The following LIN28A variants were observed in gnomAD, a reference collection of about 807,000 sequenced individuals.
LIN28A encodes lin-28 RNA binding posttranscriptional regulator A, also known as protein lin-28 homolog A.
A neutral mutation model predicts 21.1 loss-of-function variants in LIN28A; 11 were observed. The observed-to-expected ratio is 0.52, with a 90% CI of 0.33 to 0.86. LIN28A has a LOEUF of 0.86. Among genes scored for constraint, LIN28A ranks in the 40% least tolerant of loss-of-function variants. The pLI is 0.03. For synonymous variants in LIN28A, 111 were observed against 108.7 expected (o/e 1.02, Z -0.13); for missense variants, 219 against 279.8 (o/e 0.78, Z 1.55).
At chr1:26,415,633 GAA>G (rs2074988398) in intron 2 of LIN28A, among the ~76,000 whole-genome samples, 1 of 152,154 alleles carries the variant, frequency 6.6e-6, no homozygotes, top group African/African-American at 2.4e-5. Flanking sequence ...TTTGTTCAGA[GAA>G]AAAGACTAGA....
At chr1:26,412,676 G>A (rs2074968096) in intron 2 of LIN28A, among the ~76,000 whole-genome samples, 1 of 152,116 alleles carries the variant, frequency 6.6e-6, no homozygotes, top group Non-Finnish European at 1.5e-5. Flanking sequence ...GCTTTAGGAG[G>A]TGTGGGGGAG....
At chr1:26,423,704 G>A (rs1240540536) in intron 2 of LIN28A, among the ~76,000 whole-genome samples, 7 of 149,884 alleles carry the variant, frequency 4.7e-5, no homozygotes, top group Admixed American at 2.7e-4. Context: ...GAGCCATTGC[G>A]CACGGCCCAT....
At position 26,421,336 on chromosome 1, in the gene LIN28A, T is replaced by C. The variant is rs1570315203; in HGVS notation, c.229-3967T>C. On this transcript the variant is annotated intron_variant, in intron 2 of 3. Coordinates refer to ENST00000326279, the MANE Select transcript of LIN28A (RefSeq NM_024674.6). ...AATGGCTGCGTGGTATTCATTATTA[T>C]AGATGTACCATATTTATTCAACCAT... 3.3e-5 allele frequency among the ~76,000 whole-genome samples: 5 copies of C among 152,334 alleles called. No homozygotes were observed. In the South Asian group the frequency reaches 1.0e-3, roughly 32 times the overall value.
chr1:26,425,551 C>T (rs2075053749), intron 3 of LIN28A, 64 bp downstream of exon 3: 3 of 1,469,226 alleles, frequency 2.0e-6, no homozygotes, highest in Admixed American at 3.8e-5. Context: ...AATCCTGTCA[C>T]TTTTTGGGTC....
chr1:26,411,952 C>G lies in LIN28A; in HGVS notation c.228+370C>G, dbSNP rs1342374325. ...GCCGGCCAGGGAAGCACATGCCGGG[C>G]CTAAGCCGGGAGCCCAGCTCCTCCA... On this transcript the variant is annotated intron_variant, in intron 2 of 3. Coordinates refer to ENST00000326279, the MANE Select transcript of LIN28A (RefSeq NM_024674.6). This position sits in a 1 kb window ranked among gnomAD's most constrained non-coding sequence, Gnocchi z 5.4. 6.6e-6 allele frequency among the ~76,000 whole-genome samples: 1 copy of G among 152,208 alleles called. No homozygotes were observed. Among genetic ancestry groups the G allele is most frequent in the Non-Finnish European group, 1.5e-5 (1 of 68,036 alleles).
intron 2 of LIN28A, among the ~76,000 whole-genome samples, chr1:26,422,203 T>G (rs554863525): frequency 6.6e-6 from 1 of 151,974 alleles, no homozygotes; most frequent in African/African-American, 2.4e-5. Context: ...AGAGATGGGT[T>G]TTTGCCATAT....
chr1:26,417,590 C>A (rs1249894284), intron 2 of LIN28A, among the ~76,000 whole-genome samples: 1 of 152,204 alleles, frequency 6.6e-6, no homozygotes, highest in South Asian at 2.1e-4. Flanking sequence ...CAGCTCTTGC[C>A]TCTTATTGCG....
chr1:26,423,626 G>A (rs1042383084), intron 2 of LIN28A, among the ~76,000 whole-genome samples: 3 of 150,818 alleles, frequency 2.0e-5, no homozygotes, highest in Non-Finnish European at 4.4e-5. Context: ...TGGTCAGGCT[G>A]GTCTCAAACT....
Position 26,411,047 on chromosome 1 carries a change from T to A in LIN28A, c.31+125T>A. 8.1e-7 allele frequency: 1 copy of A among 1,238,360 alleles called. No homozygotes were observed. Among genetic ancestry groups the A allele is most frequent in the Non-Finnish European group, 1.1e-6 (1 of 902,378 alleles). 76.7% of individuals were successfully genotyped at this position (1,238,360 alleles called of 1,614,324 possible). A position where few individuals can be genotyped will look rare whatever the true frequency, so the allele number is the denominator to read the frequency against. ...ACCCCAAGACGGTGCGGCCTTCTGC[T>A]TCATAGGGCCGTCTCTGGGGCCAGG... On this transcript the variant is annotated intron_variant, in intron 1 of 3. Transcript: ENST00000326279. This position sits in a 1 kb window ranked among gnomAD's most constrained non-coding sequence, Gnocchi z 5.4.
rs2124278973 is a variant in LIN28A, at chr1:26,411,119, G to A, written c.31+197G>A. On this transcript the variant is annotated intron_variant, in intron 1 of 3. Transcript: ENST00000326279. The surrounding 1 kb of genome is among the most constrained non-coding windows in gnomAD (Gnocchi z 5.4). ...TGCGCGCCAGACTACGTGGGTGGATGGAGAGGAGAGGCTTGTCCCGCCGTG... is the reference window on the plus strand; with the variant it reads ...TGCGCGCCAGACTACGTGGGTGGATAGAGAGGAGAGGCTTGTCCCGCCGTG... Among the ~76,000 whole-genome samples the A allele has an allele frequency of 6.6e-6, 1 of 152,356 alleles. No homozygotes were observed. The highest frequency in any genetic ancestry group is 3.4e-3 in the Middle Eastern group (1 of 294).
chr1:26,419,062 G>A (rs1008367414), intron 2 of LIN28A, among the ~76,000 whole-genome samples: 6 of 151,410 alleles, frequency 4.0e-5, no homozygotes, highest in Non-Finnish European at 8.8e-5. Context: ...TCCCCCTAAG[G>A]TCTTTTCTTT....
chr1:26,418,887 A>G (rs957574088), intron 2 of LIN28A, among the ~76,000 whole-genome samples: 4 of 152,146 alleles, frequency 2.6e-5, no homozygotes, highest in Non-Finnish European at 4.4e-5. Context: ...CATAACCCCA[A>G]CATAGAGAGG....
chr1:26,423,904 A>G (rs2075043070), intron 2 of LIN28A, among the ~76,000 whole-genome samples: 1 of 151,770 alleles, frequency 6.6e-6, no homozygotes, highest in Non-Finnish European at 1.5e-5. Context: ...CTGGGACTAC[A>G]GGCACCCGCC....
intron 2 of LIN28A, among the ~76,000 whole-genome samples, chr1:26,413,950 C>G (rs935246363): frequency 2.5e-4 from 38 of 151,390 alleles, no homozygotes; most frequent in Middle Eastern, 6.8e-3. Context: ...GCCTCAGCTT[C>G]CTGAGTAGCT....
In LIN28A at chr1:26,426,404, A is replaced by G. The variant is rs1249374321; in HGVS notation, c.576A>G (p.Arg192=). 1.2e-6 allele frequency: 2 copies of G among 1,614,066 alleles called. No individual in the cohort carries two copies. ...CACAGGGAAAGCCAACCTACTTTCG[A>G]GAGGAAGAAGAAGAAATCCACAGCC... ...PSAQGKPTYF[R]EEEEEIHSPT... Residue 192 remains arginine, a synonymous_variant, in exon 4 of 4, where the codon CGA becomes CGG. Coordinates refer to ENST00000326279, the MANE Select transcript of LIN28A (RefSeq NM_024674.6).
At chr1:26,423,393 AT>A (rs2075038358) in intron 2 of LIN28A, among the ~76,000 whole-genome samples, 2 of 83,390 alleles carry the variant, frequency 2.4e-5, no homozygotes, top group East Asian at 4.1e-4. Flanking sequence ...CATTATTATG[AT>A]TTCCTTTTTT....
intron 2 of LIN28A, among the ~76,000 whole-genome samples, chr1:26,421,983 G>A (rs1016966249): frequency 4.7e-5 from 7 of 148,600 alleles, no homozygotes; most frequent in Non-Finnish European, 7.4e-5. Context: ...ATTTCAGTGC[G>A]TATTTCCCAA....
chr1:26,420,706 A>G (rs930155051), intron 2 of LIN28A, among the ~76,000 whole-genome samples: 1 of 151,902 alleles, frequency 6.6e-6, no homozygotes, highest in Non-Finnish European at 1.5e-5. Context: ...CCCCCCAGCC[A>G]CCAGCATAAA....
At chr1:26,417,637 A>G (rs1443791309) in intron 2 of LIN28A, among the ~76,000 whole-genome samples, 4 of 152,158 alleles carry the variant, frequency 2.6e-5, no homozygotes, top group Non-Finnish European at 5.9e-5. Context: ...CTCTGCCTCC[A>G]TGTCCTCAAG....
Sources: allele counts gnomAD v4.1 joint callset (sites outside exome capture counted in the v4.1 genomes callset), GRCh38; gene constraint gnomAD v4.1.1; non-coding constraint Gnocchi (gnomAD v3.1); transcripts MANE v1.5; gene names NCBI Gene and HGNC (gene_info 2026-07-23, HGNC 2026-07-21).